The following ZIC1 variants were observed in gnomAD, a reference collection of about 807,000 sequenced individuals.
ZIC1 encodes the protein Zic family zinc finger 1.
In ZIC1, 4 loss-of-function variants were observed where a neutral mutation model predicts 30.9. The ratio of observed to expected loss-of-function variants is 0.13; its 90% CI spans 0.06 to 0.30. ZIC1 has a LOEUF of 0.30. Ranked by LOEUF, ZIC1 falls within the 10% of genes least tolerant of loss-of-function variation. ZIC1 has a pLI of 1.00. For synonymous variants in ZIC1, 305 were observed against 277.5 expected, an observed-to-expected ratio of 1.10 and a Z score of -0.98; for missense variants, 441 against 639.3, an observed-to-expected ratio of 0.69 and a Z score of 3.34.
rs776229182 is a variant in ZIC1, at chr3:147,412,691, G to T, written c.1146+10G>T. 3 of 1,603,742 alleles carry T rather than the reference G, an allele frequency of 1.9e-6. No individual in the cohort carries two copies. Among genetic ancestry groups the T allele is most frequent in the East Asian group, 2.2e-5 (1 of 44,546 alleles). ...GCGCAAACACATGAAGGTAATCGCC[G>T]CACTCTCGTCGCCCCCTTTGAGGCA... On this transcript the variant is annotated intron_variant, in intron 2 of 2. Coordinates refer to ENST00000282928, the MANE Select transcript of ZIC1 (RefSeq NM_003412.4).
intron 1 of ZIC1, among the ~76,000 whole-genome samples, chr3:147,411,791 G>A (rs1194575345): frequency 1.3e-5 from 2 of 151,656 alleles, no homozygotes; most frequent in Non-Finnish European, 2.9e-5. Flanking sequence ...CCCCTCTTTG[G>A]CCTTTAAAAA....
intron 2 of ZIC1, 77 bp from the exon 3 acceptor site, chr3:147,413,277 A>G (rs1354126075): frequency 1.3e-6 from 2 of 1,500,396 alleles, no homozygotes; most frequent in East Asian, 2.3e-5. Flanking sequence ...GAGGAAGGGC[A>G]CTCGCGGCCT....
intron 2 of ZIC1, 48 bp downstream of exon 2, chr3:147,412,729 G>C: frequency 1.9e-6 from 3 of 1,587,470 alleles, no homozygotes; most frequent in Non-Finnish European, 2.6e-6. Context: ...AGCTCTCTTG[G>C]CTCTCGGCTT....
Position 147,409,787 on chromosome 3 carries a change from CT to C in ZIC1, c.-324del. ...TGCTCCATGCCTTTCCCCGGGCAGC[CT>C]TGACGCGCGGCCCTCTCGGCAGAGA... On this transcript the variant is annotated 5_prime_UTR_variant, in exon 1 of 3. It introduces an in-frame stop codon into an upstream open reading frame of the 5' UTR. Transcript: ENST00000282928. 1 of 382,104 alleles carries C rather than the reference CT, an allele frequency of 2.6e-6. No individual in the cohort carries two copies. 23.7% of individuals were successfully genotyped at this position (382,104 alleles called of 1,614,324 possible). A position where few individuals can be genotyped will look rare whatever the true frequency, so the allele number is the denominator to read the frequency against.
At chr3:147,411,161 C>T in intron 1 of ZIC1, 67 bp downstream of exon 1, 1 of 1,536,382 alleles carries the variant, frequency 6.5e-7, no homozygotes, top group Non-Finnish European at 8.7e-7. Context: ...CGAAAGTCAG[C>T]GGCCAGGTCG....
At chr3:147,412,442 C>T in intron 1 of ZIC1, 76 bp from the exon 2 acceptor site, 6 of 1,546,486 alleles carry the variant, frequency 3.9e-6, no homozygotes, top group Admixed American at 4.1e-5. Flanking sequence ...TATTTTTTTT[C>T]TATTTGTTTA....
chr3:147,413,280 C>T (rs575945609), intron 2 of ZIC1, 74 bp from the exon 3 acceptor site: 7 of 1,515,638 alleles, frequency 4.6e-6, no homozygotes, highest in Admixed American at 3.7e-5. Flanking sequence ...GAAGGGCACT[C>T]GCGGCCTTCG....
At chr3:147,412,240 G>A (rs1576470336) in intron 1 of ZIC1, among the ~76,000 whole-genome samples, 1 of 152,036 alleles carries the variant, frequency 6.6e-6, no homozygotes, top group African/African-American at 2.4e-5. Context: ...CGAGTTTCCA[G>A]ATCTGATGCT....
Position 147,413,660 on chromosome 3 carries a change from C to A in ZIC1, c.*109C>A. 1 of 1,271,916 alleles carries A rather than the reference C, an allele frequency of 7.9e-7. No individual in the cohort carries two copies. Among genetic ancestry groups the A allele is most frequent in the Non-Finnish European group, 1.1e-6 (1 of 945,430 alleles). 78.8% of individuals were successfully genotyped at this position (1,271,916 alleles called of 1,614,324 possible). ...AATCAAAACAACCCCCACACAGACCCCGCAATCCTTTTTTAAAAAATCTGC... is the reference window on the plus strand; with the variant it reads ...AATCAAAACAACCCCCACACAGACCACGCAATCCTTTTTTAAAAAATCTGC... On this transcript the variant is annotated 3_prime_UTR_variant, in exon 3 of 3. Transcript: ENST00000282928.
chr3:147,412,633 G>A lies in ZIC1; in HGVS notation c.1098G>A (p.Met366Ile). ...GCGACAAGCCCTATCTTTGCAAGAT[G>A]TGCGACAAGTCCTACACGCATCCCA... ...HTSDKPYLCK[M>I]CDKSYTHPSS... is the part of the protein sequence containing the mutation. The change falls in exon 2 of 3, where the codon ATG (methionine) becomes ATA (isoleucine). Residue 366 changes from methionine (M) to isoleucine (I), a missense_variant. By Grantham distance (10) the Met-to-Ile change is conservative. This residue lies in a region of ZIC1 where 31 missense variants were observed against 65.2 expected (regional missense o/e 0.48). Coordinates refer to ENST00000282928, the MANE Select transcript of ZIC1 (RefSeq NM_003412.4). 1 of 1,614,218 alleles carries A rather than the reference G, an allele frequency of 6.2e-7. No individual in the cohort carries two copies. The highest frequency in any genetic ancestry group is 8.5e-7 in the Non-Finnish European group (1 of 1,180,044).
rs1237926862 is a variant in ZIC1, at chr3:147,415,128, C to T, written c.*1577C>T. ...AAGCGTTTCACTTATATTCTTCAAA[C>T]ATGATGCTAATTTAAATTAATTACT... On this transcript the variant is annotated 3_prime_UTR_variant, in exon 3 of 3. Transcript: ENST00000282928. 1 of 152,640 alleles carries T rather than the reference C, an allele frequency of 6.6e-6. No individual in the cohort carries two copies. The highest frequency in any genetic ancestry group is 1.5e-5 in the Non-Finnish European group (1 of 68,042). The allele number at this position is 152,640 out of a possible 1,614,324, so 9.5% of individuals were successfully genotyped here. A position where few individuals can be genotyped will look rare whatever the true frequency, so the allele number is the denominator to read the frequency against.
Position 147,413,086 on chromosome 3 carries a change from G to A in ZIC1, c.1147-268G>A, listed in dbSNP as rs1453921189. On this transcript the variant is annotated intron_variant, in intron 2 of 2. Transcript: ENST00000282928. ...CATGGACAAGCAAAGTTCAGGGAAA[G>A]AAAGTGCAGTCTCTGGCCTCATATC... 3.3e-5 allele frequency among the ~76,000 whole-genome samples: 5 copies of A among 152,184 alleles called. No individual in the cohort carries two copies. The East Asian group carries it at 9.6e-4, about 29-fold the overall frequency.
chr3:147,416,509 T>A lies in ZIC1; in HGVS notation c.*2958T>A, dbSNP rs1234812373. ...AATACCACAGTGTAACAATTAAATA[T>A]CACACTATGACATATGATTTAAGTA... On this transcript the variant is annotated 3_prime_UTR_variant, in exon 3 of 3. Transcript: ENST00000282928. 6.6e-6 allele frequency: 1 copy of A among 152,210 alleles called. No homozygotes were observed. The highest frequency in any genetic ancestry group is 1.9e-4 in the East Asian group (1 of 5,198). The allele number at this position is 152,210 out of a possible 1,614,324, so 9.4% of individuals were successfully genotyped here. A position where few individuals can be genotyped will look rare whatever the true frequency, so the allele number is the denominator to read the frequency against.
At chr3:147,412,249 C>T (rs2087387720) in intron 1 of ZIC1, among the ~76,000 whole-genome samples, 1 of 151,906 alleles carries the variant, frequency 6.6e-6, no homozygotes, top group African/African-American at 2.4e-5. Context: ...AGATCTGATG[C>T]TAAAAACCGA....
At chr3:147,412,306 C>G (rs2087388231) in intron 1 of ZIC1, among the ~76,000 whole-genome samples, 1 of 152,076 alleles carries the variant, frequency 6.6e-6, no homozygotes, top group South Asian at 2.1e-4. Context: ...AAATGTAGAT[C>G]CAATTGTATT....
In ZIC1 at chr3:147,413,650, C is replaced by G. The variant is rs2087403505; in HGVS notation, c.*99C>G. On this transcript the variant is annotated 3_prime_UTR_variant, in exon 3 of 3. Coordinates refer to ENST00000282928, the MANE Select transcript of ZIC1 (RefSeq NM_003412.4). ...GAACCCTGCGAATCAAAACAACCCC[C>G]ACACAGACCCCGCAATCCTTTTTTA... The G allele has an allele frequency of 7.4e-7, 1 of 1,356,432 alleles. No individual in the cohort carries two copies. The highest frequency in any genetic ancestry group is 2.5e-5 in the Admixed American group (1 of 40,222). 84.0% of individuals were successfully genotyped at this position (1,356,432 alleles called of 1,614,324 possible).
In ZIC1 at chr3:147,410,946, C is replaced by G. The variant is rs1269493698; in HGVS notation, c.834C>G (p.Arg278=). 1 of 1,614,144 alleles carries G rather than the reference C, an allele frequency of 6.2e-7. No individual in the cohort carries two copies. Among genetic ancestry groups the G allele is most frequent in the African/African-American group, 1.3e-5 (1 of 74,956 alleles). ...TCTGCTTCTGGGAGGAGTGTCCGCGCGAGGGCAAGCCCTTCAAAGCCAAAT... is the reference window on the plus strand; with the variant it reads ...TCTGCTTCTGGGAGGAGTGTCCGCGGGAGGGCAAGCCCTTCAAAGCCAAAT... ...NHICFWEECP[R]EGKPFKAKYK... The change falls in exon 1 of 3, where the codon CGC becomes CGG. Residue 278 remains arginine, a synonymous_variant. Coordinates refer to ENST00000282928, the MANE Select transcript of ZIC1 (RefSeq NM_003412.4).
In ZIC1 at chr3:147,414,351, G is replaced by A. The variant is rs1185802388; in HGVS notation, c.*800G>A. 1 of 152,440 alleles carries A rather than the reference G, an allele frequency of 6.6e-6. No individual in the cohort carries two copies. Among genetic ancestry groups the A allele is most frequent in the Admixed American group, 6.6e-5 (1 of 15,262 alleles). 9.4% of individuals were successfully genotyped at this position (152,440 alleles called of 1,614,324 possible). On this transcript the variant is annotated 3_prime_UTR_variant, in exon 3 of 3. Transcript: ENST00000282928. ...GTTTATGTAAAGTGATATTAAAAAAGATATAAACTATAACTGTCCGTTACT... is the reference window on the plus strand; with the variant it reads ...GTTTATGTAAAGTGATATTAAAAAAAATATAAACTATAACTGTCCGTTACT...
In ZIC1 at chr3:147,413,834, A is replaced by T. The variant is rs2087405844; in HGVS notation, c.*283A>T. Reference sequence around the variant, plus strand: ...GGAGGCCACCTGACCAAATGCCGCCAACCCCGAGGGCCAGTTTCTTGTCGA... The same window carrying T: ...GGAGGCCACCTGACCAAATGCCGCCTACCCCGAGGGCCAGTTTCTTGTCGA... On this transcript the variant is annotated 3_prime_UTR_variant, in exon 3 of 3. Transcript: ENST00000282928. 4 of 295,740 alleles carry T rather than the reference A, an allele frequency of 1.4e-5. No individual in the cohort carries two copies. In the Admixed American group the frequency reaches 2.0e-4, roughly 15 times the overall value. 18.3% of individuals were successfully genotyped at this position (295,740 alleles called of 1,614,324 possible).
Sources: allele counts gnomAD v4.1 joint callset (sites outside exome capture counted in the v4.1 genomes callset), GRCh38; gene constraint gnomAD v4.1.1; regional missense constraint gnomAD v4.1.1; transcripts MANE v1.5; gene names NCBI Gene and HGNC (gene_info 2026-07-23, HGNC 2026-07-21).